Variants in CBR4 observed in about 807,000 individuals in gnomAD.
CBR4 encodes carbonyl reductase 4.
In CBR4, 22 loss-of-function variants were observed where a neutral mutation model predicts 21.0. The ratio of observed to expected loss-of-function variants is 1.05; its 90% CI spans 0.75 to 1.50. CBR4 has a LOEUF of 1.50. CBR4 is among the 40% of genes most tolerant of loss of function. CBR4 has a pLI of 0.00. For missense variants in CBR4, 302 were observed against 286.3 expected (o/e 1.05, Z -0.40); for synonymous variants, 100 against 104.4 (o/e 0.96, Z 0.26).
At chr4:168,930,075 G>A (rs938917338) in intron 2 of CBR4, among the ~76,000 whole-genome samples, 1 of 152,094 alleles carries the variant, frequency 6.6e-6, no homozygotes, top group Non-Finnish European at 1.5e-5. Context: ...TACAAATATT[G>A]AAATATCTTA....
At chr4:168,981,258 G>C (rs891753175) in intron 2 of CBR4, among the ~76,000 whole-genome samples, 4 of 152,042 alleles carry the variant, frequency 2.6e-5, no homozygotes, top group African/African-American at 9.7e-5. Context: ...AAATTACCAG[G>C]CTTGGTGGTG....
chr4:169,009,236 AAG>A (rs1455795737), intron 1 of CBR4, among the ~76,000 whole-genome samples: 5 of 152,180 alleles, frequency 3.3e-5, no homozygotes, highest in Non-Finnish European at 5.9e-5. Context: ...AAACTCAATG[AAG>A]AGTTATATTC....
intron 1 of CBR4, chr4:169,008,979 G>A (rs776895175): frequency 4.4e-6 from 2 of 455,374 alleles, no homozygotes; most frequent in South Asian, 3.1e-5. Context: ...AGGTCCTTGG[G>A]AGACTGAGGC....
intron 2 of CBR4, among the ~76,000 whole-genome samples, chr4:168,977,200 C>T (rs562357081): frequency 6.6e-6 from 1 of 152,024 alleles, no homozygotes; most frequent in Non-Finnish European, 1.5e-5. Context: ...TCCTATCTGC[C>T]ATCTTTTCCA....
At chr4:168,959,874 TAA>T (rs70961565) in intron 2 of CBR4, among the ~76,000 whole-genome samples, 1 of 143,682 alleles carries the variant, frequency 7.0e-6, no homozygotes, top group Non-Finnish European at 1.5e-5. Context: ...CAATTTCTAT[TAA>T]AAAAAAAAAA....
At chr4:168,930,486 T>C (rs1265956490) in intron 2 of CBR4, among the ~76,000 whole-genome samples, 37 of 152,254 alleles carry the variant, frequency 2.4e-4, no homozygotes. Flanking sequence ...GGGATAAATA[T>C]GAAAAACAGC....
At chr4:168,904,705 A>T (rs1223155042) in intron 2 of CBR4, among the ~76,000 whole-genome samples, 1 of 152,192 alleles carries the variant, frequency 6.6e-6, no homozygotes, top group Non-Finnish European at 1.5e-5. Context: ...TAAAATGAGC[A>T]GTTTTCTCTA....
chr4:168,938,974 C>T lies in CBR4; in HGVS notation n.170-44209G>A, dbSNP rs565503485. On this transcript the variant is annotated intron_variant and non_coding_transcript_variant, in intron 2 of 3. Transcript: ENST00000509108. ...GGCCAGCATCATCCTGATACCAAAA[C>T]CTGGCAGAGACAAAACAAAAAAAAG... Among the ~76,000 whole-genome samples, 6 of 152,258 alleles carry T rather than the reference C, an allele frequency of 3.9e-5. No homozygotes were observed. The South Asian group carries it at 1.2e-3, about 32-fold the overall frequency.
chr4:168,974,318 C>T (rs755250327), intron 2 of CBR4, among the ~76,000 whole-genome samples: 1 of 152,178 alleles, frequency 6.6e-6, no homozygotes, highest in Non-Finnish European at 1.5e-5. Context: ...TTACCTGATG[C>T]TTTTGCTTCA....
chr4:168,925,748 G>T (rs147909995), intron 2 of CBR4, among the ~76,000 whole-genome samples: 28 of 152,236 alleles, frequency 1.8e-4, no homozygotes, highest in Non-Finnish European at 3.1e-4. Context: ...GCCTCTTCTT[G>T]AAATAACTAT....
chr4:169,005,840 G>T (rs1260666833), intron 3 of CBR4: 5 of 1,256,796 alleles, frequency 4.0e-6, no homozygotes, highest in Middle Eastern at 2.2e-4. Context: ...CTAAATTCTG[G>T]CTTGAAAAAC....
At position 168,990,060 on chromosome 4, in the gene CBR4, C is replaced by T. The variant is rs1764834533; in HGVS notation, c.*90G>A. 1.5e-6 allele frequency: 2 copies of T among 1,348,636 alleles called. No homozygotes were observed. The highest frequency in any genetic ancestry group is 5.9e-5 in the Admixed American group (2 of 33,820). The allele number at this position is 1,348,636 out of a possible 1,614,324, so 83.5% of individuals were successfully genotyped here. ...TTGTAGCATCAGCAGGTTTGATTAG[C>T]ACATGTTACCCATGTAGGTATAATT... is the stretch of plus-strand genomic sequence containing the variant. On this transcript the variant is annotated 3_prime_UTR_variant, in exon 5 of 5. Transcript: ENST00000306193.
At chr4:168,950,067 T>A (rs1409937229) in intron 2 of CBR4, among the ~76,000 whole-genome samples, 1 of 152,184 alleles carries the variant, frequency 6.6e-6, no homozygotes, top group East Asian at 1.9e-4. Context: ...AAGAATCAGC[T>A]TTTTGTTTCA....
chr4:168,990,443 A>T (rs1248009981), intron 4 of CBR4, 115 bp from the exon 5 acceptor site: 1 of 1,139,172 alleles, frequency 8.8e-7, no homozygotes, highest in Non-Finnish European at 1.2e-6. Context: ...ATTTAAAAAA[A>T]AATTTTTTTT....
intron 3 of CBR4, chr4:169,005,471 T>C (rs1472542325): frequency 6.2e-6 from 1 of 161,148 alleles, no homozygotes; most frequent in East Asian, 1.7e-4. Context: ...TAGTCCTTCC[T>C]GTAGTAAGAT....
intron 1 of CBR4, chr4:169,009,036 G>A (rs2126882624): frequency 2.2e-6 from 1 of 449,700 alleles, no homozygotes; most frequent in Non-Finnish European, 4.4e-6. Flanking sequence ...GTCCAGCACG[G>A]GCAACATAAT....
chr4:168,996,634 T>C (rs1049693245), intron 4 of CBR4, among the ~76,000 whole-genome samples: 2 of 152,208 alleles, frequency 1.3e-5, no homozygotes, highest in South Asian at 4.1e-4. Flanking sequence ...TTTGGACAAA[T>C]GCATAATATC....
chr4:168,918,072 A>C (rs531096146), intron 2 of CBR4, among the ~76,000 whole-genome samples: 5 of 152,016 alleles, frequency 3.3e-5, no homozygotes, highest in African/African-American at 7.2e-5. Flanking sequence ...GGTGGCATGC[A>C]TCTGTAGTCC....
rs180773626 is a variant in CBR4 at position 168,902,255 on chromosome 4, G to T, written n.170-7490C>A. Among the ~76,000 whole-genome samples the T allele has an allele frequency of 1.5e-4, 23 of 152,266 alleles. No homozygotes were observed. The East Asian group carries it at 4.0e-3, about 27-fold the overall frequency. On this transcript the variant is annotated intron_variant and non_coding_transcript_variant, in intron 2 of 3. Transcript: ENST00000509108. ...CAACTAAAGGGTCTAAAGTATATTT[G>T]TTTTGTTAGGAATCAGGAATACTTT...
Sources: gnomAD v4.1 joint callset for allele counts (sites outside exome capture counted in the v4.1 genomes callset) on GRCh38, gnomAD v4.1.1 for gene constraint, MANE v1.5 for transcripts, NCBI Gene and HGNC (gene_info 2026-07-23, HGNC 2026-07-21) for gene names.